Variants in ADGRL3 observed in about 807,000 individuals in gnomAD.
The protein encoded by ADGRL3 is calcium-independent alpha-latrotoxin receptor 3.
In ADGRL3, 62 loss-of-function variants were observed where a neutral mutation model predicts 153.5. The observed-to-expected ratio is 0.40, with a 90% CI of 0.33 to 0.50. The LOEUF is 0.50. Among genes scored for constraint, ADGRL3 ranks in the 20% least tolerant of loss-of-function variants. The pLI is 0.47. For synonymous variants in ADGRL3, 710 were observed against 672.5 expected (o/e 1.06, Z -0.86); for missense variants, 1,641 against 1,859.4 (o/e 0.88, Z 2.16).
At chr4:61,245,970 C>A (rs895983) in intron 1 of ADGRL3, among the ~76,000 whole-genome samples, 70,086 of 151,672 alleles carry the variant, frequency 0.46, 16,442 homozygotes, top group East Asian at 0.62. Context: ...ATCTGTGAGT[C>A]CCCCCTGCCA....
At chr4:61,988,162 T>A (rs2099092263) in intron 19 of ADGRL3, among the ~76,000 whole-genome samples, 1 of 152,146 alleles carries the variant, frequency 6.6e-6, no homozygotes, top group African/African-American at 2.4e-5. Context: ...ACAAATTTGA[T>A]TCTGAGAAGT....
intron 2 of ADGRL3, among the ~76,000 whole-genome samples, chr4:61,461,074 AC>A (rs1488926533): frequency 6.6e-6 from 1 of 152,136 alleles, no homozygotes; most frequent in Non-Finnish European, 1.5e-5. Context: ...CATCAAAAAA[AC>A]AAAACAAAAC....
intron 15 of ADGRL3, 126 bp from the exon 16 acceptor site, chr4:61,946,788 T>G (rs2098926850): frequency 1.4e-6 from 1 of 740,570 alleles, no homozygotes; most frequent in African/African-American, 1.8e-5. Context: ...GACTTGGTAC[T>G]TTGGTTGAAA....
chr4:61,547,725 G>T (rs2098720575), intron 4 of ADGRL3, among the ~76,000 whole-genome samples: 1 of 152,076 alleles, frequency 6.6e-6, no homozygotes, highest in Non-Finnish European at 1.5e-5. Flanking sequence ...ACACATGAAT[G>T]TCTTTTTACA....
rs1747768436 is a variant in ADGRL3, at chr4:62,078,233, C to A, written c.*7325C>A. 6.6e-6 allele frequency: 1 copy of A among 151,762 alleles called. No individual in the cohort carries two copies. The highest frequency in any genetic ancestry group is 2.1e-4 in the South Asian group (1 of 4,826). The allele number at this position is 151,762 out of a possible 1,614,324, so 9.4% of individuals were successfully genotyped here. A position where few individuals can be genotyped will look rare whatever the true frequency, so the allele number is the denominator to read the frequency against. ...CAGATTTCAAGCTATTGGATATTTCCCTTGTACAACCTTTACATCCTTTTT... is the reference window on the plus strand; with the variant it reads ...CAGATTTCAAGCTATTGGATATTTCACTTGTACAACCTTTACATCCTTTTT... On this transcript the variant is annotated 3_prime_UTR_variant, in exon 27 of 27. Transcript: ENST00000683033.
intron 4 of ADGRL3, among the ~76,000 whole-genome samples, chr4:61,566,109 G>A (rs2098815190): frequency 1.3e-5 from 2 of 152,252 alleles, no homozygotes; most frequent in Admixed American, 6.5e-5. Context: ...ACAAAGAACC[G>A]TAAACTGGGT....
chr4:61,314,283 TACCATA>T (rs2095125460), intron 1 of ADGRL3, among the ~76,000 whole-genome samples: 1 of 151,798 alleles, frequency 6.6e-6, no homozygotes, highest in Non-Finnish European at 1.5e-5. Flanking sequence ...GATCTTGGCT[TACCATA>T]ACCTCCGCCT....
intron 2 of ADGRL3, among the ~76,000 whole-genome samples, chr4:61,456,047 A>G (rs966784307): frequency 6.6e-5 from 10 of 151,800 alleles, no homozygotes; most frequent in Non-Finnish European, 1.0e-4. Context: ...AACTCCTAGC[A>G]TCAGGTTATC....
At chr4:61,456,483 A>G (rs1187117868) in intron 2 of ADGRL3, among the ~76,000 whole-genome samples, 2 of 130,516 alleles carry the variant, frequency 1.5e-5, no homozygotes, top group African/African-American at 5.7e-5. Context: ...ATATCTATAT[A>G]TATAGATATA....
intron 5 of ADGRL3, among the ~76,000 whole-genome samples, chr4:61,675,804 A>C (rs2095171385): frequency 6.6e-6 from 1 of 151,906 alleles, no homozygotes; most frequent in Non-Finnish European, 1.5e-5. Context: ...TTTGTGCTAC[A>C]AACAATCCAT....
At chr4:61,280,653 A>T (rs1413877086) in intron 1 of ADGRL3, among the ~76,000 whole-genome samples, 1 of 152,158 alleles carries the variant, frequency 6.6e-6, no homozygotes, top group Non-Finnish European at 1.5e-5. Context: ...TTTCTAAATT[A>T]CAAGATTGTT....
At chr4:62,001,620 G>T (rs904583815) in intron 21 of ADGRL3, among the ~76,000 whole-genome samples, 8 of 152,116 alleles carry the variant, frequency 5.3e-5, no homozygotes, top group Non-Finnish European at 1.0e-4. Flanking sequence ...GGAGTTAAGA[G>T]GAGTAATAAT....
In ADGRL3 at chr4:62,071,740, CT is replaced by C. The variant is rs1490453929; in HGVS notation, c.*839del. ...TTCCTTTCTTCTCTTTCTTCATTTT[CT>C]TTTTTTCTTTTTTGCCTTTTATTCC... On this transcript the variant is annotated 3_prime_UTR_variant, in exon 27 of 27. Coordinates refer to ENST00000683033, the MANE Select transcript of ADGRL3 (RefSeq NM_001387552.1). 7.3e-6 allele frequency: 3 copies of C among 412,036 alleles called. No individual in the cohort carries two copies. Among genetic ancestry groups the C allele is most frequent in the East Asian group, 8.0e-5 (1 of 12,558 alleles). The allele number at this position is 412,036 out of a possible 1,614,324, so 25.5% of individuals were successfully genotyped here.
At chr4:61,213,170 C>T (rs1740934517) in intron 1 of ADGRL3, among the ~76,000 whole-genome samples, 1 of 152,066 alleles carries the variant, frequency 6.6e-6, no homozygotes, top group African/African-American at 2.4e-5. Flanking sequence ...AGAAATTAAC[C>T]TACTTTATTA....
At chr4:61,674,615 A>G (rs2095124690) in intron 5 of ADGRL3, among the ~76,000 whole-genome samples, 1 of 151,834 alleles carries the variant, frequency 6.6e-6, no homozygotes. Context: ...CCACTTTTCC[A>G]TTATGTCTAC....
chr4:61,465,572 A>AT (rs2097868898), intron 2 of ADGRL3, among the ~76,000 whole-genome samples: 1 of 151,412 alleles, frequency 6.6e-6, no homozygotes, highest in Non-Finnish European at 1.5e-5. Context: ...TATGTCTTCT[A>AT]TTTTTTAAAT....
intron 1 of ADGRL3, among the ~76,000 whole-genome samples, chr4:61,333,994 C>CA (rs2095627036): frequency 6.6e-6 from 1 of 151,074 alleles, no homozygotes; most frequent in Admixed American, 6.6e-5. Flanking sequence ...TGACTCACTG[C>CA]AATCTCTGCC....
intron 21 of ADGRL3, among the ~76,000 whole-genome samples, chr4:62,016,447 C>T (rs2099212305): frequency 6.6e-6 from 1 of 152,144 alleles, no homozygotes; most frequent in South Asian, 2.1e-4. Context: ...ATGTAATGAG[C>T]TAAGTTTCCA....
At chr4:62,014,015 C>G (rs74913823) in intron 21 of ADGRL3, among the ~76,000 whole-genome samples, 1 of 151,380 alleles carries the variant, frequency 6.6e-6, no homozygotes, top group African/African-American at 2.4e-5. Flanking sequence ...AGTAAATGGT[C>G]ATAGTATCTG....
Sources: allele counts gnomAD v4.1 joint callset (sites outside exome capture counted in the v4.1 genomes callset), GRCh38; gene constraint gnomAD v4.1.1; transcripts MANE v1.5; gene names NCBI Gene and HGNC (gene_info 2026-07-23, HGNC 2026-07-21).